SERINC3: variants seen among roughly 807,000 people sequenced by gnomAD.
The protein encoded by SERINC3 is tumor differentially expressed protein 1.
SERINC3 carries 22 observed loss-of-function variants against 52.1 expected under a neutral mutation model. The ratio of observed to expected loss-of-function variants is 0.42; its 90% CI spans 0.30 to 0.60. The LOEUF (loss-of-function observed/expected upper bound fraction) is 0.60, where lower values mean the gene tolerates loss of function less well. Among genes scored for constraint, SERINC3 ranks in the 20% least tolerant of loss-of-function variants. The probability of loss-of-function intolerance (pLI) is 0.16; values close to 1 mark genes in which losing one functional copy is unlikely to be tolerated. For synonymous variants in SERINC3, 226 were observed against 212.7 expected (o/e 1.06, Z -0.54); for missense variants, 564 against 584.6 (o/e 0.96, Z 0.36).
At chr20:44,521,852 G>A (rs1214333421) in intron 1 of SERINC3, 61 bp downstream of exon 1, 1 of 1,518,016 alleles carries the variant, frequency 6.6e-7, no homozygotes, top group Non-Finnish European at 9.0e-7. Flanking sequence ...GTGCAGCTCT[G>A]GTCTCGAGGC....
chr20:44,509,365 A>G (rs986262651), intron 5 of SERINC3, among the ~76,000 whole-genome samples: 8 of 152,200 alleles, frequency 5.3e-5, no homozygotes, highest in African/African-American at 1.7e-4. Flanking sequence ...GTCACTAAAT[A>G]TAACTGTTTT....
intron 9 of SERINC3, 104 bp from the exon 10 acceptor site, chr20:44,500,538 T>A: frequency 3.1e-6 from 4 of 1,300,180 alleles, no homozygotes; most frequent in Non-Finnish European, 4.3e-6. Context: ...CAGTGAAACT[T>A]GGCTGGCACT....
chr20:44,514,125 A>G (rs2064365818), intron 1 of SERINC3, 85 bp from the exon 2 acceptor site: 3 of 1,406,338 alleles, frequency 2.1e-6, no homozygotes, highest in Non-Finnish European at 2.9e-6. Flanking sequence ...AAAGCGAGGC[A>G]AATCAGGCTT....
chr20:44,520,713 A>C (rs1347997929), intron 1 of SERINC3, among the ~76,000 whole-genome samples: 1 of 152,242 alleles, frequency 6.6e-6, no homozygotes, highest in Non-Finnish European at 1.5e-5. Context: ...ATAAGGCAAT[A>C]TACCCATGTA....
intron 8 of SERINC3, among the ~76,000 whole-genome samples, chr20:44,503,392 A>C (rs1433322672): frequency 6.6e-6 from 1 of 152,232 alleles, no homozygotes; most frequent in Non-Finnish European, 1.5e-5. Context: ...TCACACCTGT[A>C]ATCCCAGCAC....
rs1464948901 is a variant in SERINC3 at position 44,499,751 on chromosome 20, A to G, written c.*545T>C. The G allele has an allele frequency of 1.3e-5, 2 of 152,406 alleles. No individual in the cohort carries two copies. The highest frequency in any genetic ancestry group is 4.8e-5 in the African/African-American group (2 of 41,472). 9.4% of individuals were successfully genotyped at this position (152,406 alleles called of 1,614,324 possible). On this transcript the variant is annotated 3_prime_UTR_variant, in exon 10 of 10. Transcript: ENST00000342374. ...AAGATGTAGAAGCAGTAGCCATATC[A>G]GCAACCATTCTTCTAGGGAAGGGAC...
In SERINC3 at chr20:44,511,388, C is replaced by T. The variant is rs1038511603; in HGVS notation, c.396-20G>A. On this transcript the variant is annotated intron_variant, in intron 3 of 9. Coordinates refer to ENST00000342374, the MANE Select transcript of SERINC3 (RefSeq NM_006811.4). Reference sequence around the variant, plus strand: ...CAAAACCTATTAAAATATAAAAATGCATTTATGAAATGCTAAGTTTCACCC... The same window carrying T: ...CAAAACCTATTAAAATATAAAAATGTATTTATGAAATGCTAAGTTTCACCC... 2 of 1,535,298 alleles carry T rather than the reference C, an allele frequency of 1.3e-6. No homozygotes were observed. The highest frequency in any genetic ancestry group is 1.8e-6 in the Non-Finnish European group (2 of 1,108,994).
chr20:44,507,126 T>A, intron 5 of SERINC3, 130 bp from the exon 6 acceptor site: 1 of 611,664 alleles, frequency 1.6e-6, no homozygotes, highest in Non-Finnish European at 2.5e-6. Flanking sequence ...ACAGTAAAAT[T>A]ACAGAGGTCT....
chr20:44,508,042 T>C (rs921870461), intron 5 of SERINC3, among the ~76,000 whole-genome samples: 2 of 152,244 alleles, frequency 1.3e-5, no homozygotes, highest in Non-Finnish European at 2.9e-5. Context: ...TTTGCATGTC[T>C]AAAATTAAAT....
intron 1 of SERINC3, among the ~76,000 whole-genome samples, 172 bp downstream of exon 1, chr20:44,521,741 A>G (rs1424867237): frequency 1.3e-5 from 2 of 152,230 alleles, no homozygotes; most frequent in East Asian, 3.8e-4. Flanking sequence ...CGAGCCGCCT[A>G]AGCTGGACCT....
intron 1 of SERINC3, among the ~76,000 whole-genome samples, chr20:44,520,939 G>T (rs1303109409): frequency 6.6e-6 from 1 of 152,118 alleles, no homozygotes; most frequent in Non-Finnish European, 1.5e-5. Flanking sequence ...ACAGAAAGTG[G>T]GCACAGTCTT....
intron 1 of SERINC3, among the ~76,000 whole-genome samples, chr20:44,516,227 G>C (rs909206702): frequency 6.6e-6 from 1 of 151,832 alleles, no homozygotes. Flanking sequence ...GCTTGAACCC[G>C]GGTGGCCAAG....
At chr20:44,511,684 G>GT (rs538561046) in intron 3 of SERINC3, among the ~76,000 whole-genome samples, 192 of 152,332 alleles carry the variant, frequency 1.3e-3, no homozygotes, top group African/African-American at 4.5e-3. Flanking sequence ...AAATAACAGT[G>GT]TTAGGTACAC....
chr20:44,500,159 T>C lies in SERINC3; in HGVS notation c.*137A>G. On this transcript the variant is annotated 3_prime_UTR_variant, in exon 10 of 10. Coordinates refer to ENST00000342374, the MANE Select transcript of SERINC3 (RefSeq NM_006811.4). The stretch of plus-strand genomic sequence containing the variant: ...CATCAAGCATTATTCAATCTCACCT[T>C]CTGATATAAACCTGCATACAGTCAA... 1 of 873,458 alleles carries C rather than the reference T, an allele frequency of 1.1e-6. No homozygotes were observed. The highest frequency in any genetic ancestry group is 1.7e-6 in the Non-Finnish European group (1 of 579,382). 54.1% of individuals were successfully genotyped at this position (873,458 alleles called of 1,614,324 possible).
At position 44,500,385 on chromosome 20, in the gene SERINC3, C is replaced by G. The variant is rs768185547; in HGVS notation, c.1333G>C (p.Val445Leu). 6.3e-7 allele frequency: 1 copy of G among 1,595,012 alleles called. No individual in the cohort carries two copies. Among genetic ancestry groups the G allele is most frequent in the African/African-American group, 1.3e-5 (1 of 74,698 alleles). Reference sequence around the variant, plus strand: ...CAGACCCAGCTGGAGCTGATCTTGACCCACACAGCTGGCCACTTGCTGGTC... The same window carrying G: ...CAGACCCAGCTGGAGCTGATCTTGAGCCACACAGCTGGCCACTTGCTGGTC... Reference protein sequence around the residue: ...SMTSKWPAVWVKISSSWVCLL... With the variant: ...SMTSKWPAVWLKISSSWVCLL... Residue 445 changes from valine to leucine, a missense_variant, in exon 10 of 10, where the codon GTC becomes CTC. By Grantham distance (32) the Val-to-Leu change is conservative (BLOSUM62 1). Coordinates refer to ENST00000342374, the MANE Select transcript of SERINC3 (RefSeq NM_006811.4).
intron 5 of SERINC3, among the ~76,000 whole-genome samples, chr20:44,507,646 G>A (rs2064323001): frequency 6.6e-6 from 1 of 152,214 alleles, no homozygotes; most frequent in African/African-American, 2.4e-5. Flanking sequence ...CAAGGTGGCT[G>A]GATTGCTTGA....
Position 44,511,296 on chromosome 20 carries a change from GAAA to G in SERINC3, c.465_467del (p.Phe156del). 6.2e-7 allele frequency: 1 copy of G among 1,608,488 alleles called. No homozygotes were observed. The highest frequency in any genetic ancestry group is 8.5e-7 in the Non-Finnish European group (1 of 1,174,866). On this transcript the variant is annotated inframe_deletion, in exon 4 of 10. Coordinates refer to ENST00000342374, the MANE Select transcript of SERINC3 (RefSeq NM_006811.4). ...CTCAATGGTGAACCCTACCTGAGCTGAAATAGCCCCCAGGGATGTAGAAAGAGC... is the reference window on the plus strand; with the variant it reads ...CTCAATGGTGAACCCTACCTGAGCTGTAGCCCCCAGGGATGTAGAAAGAGC...
chr20:44,515,835 T>C (rs1175081686), intron 1 of SERINC3, among the ~76,000 whole-genome samples: 1 of 151,838 alleles, frequency 6.6e-6, no homozygotes, highest in Non-Finnish European at 1.5e-5. Context: ...TTGTATTTTT[T>C]AGTAGAGACA....
chr20:44,513,936 CAGG>C lies in SERINC3; in HGVS notation c.141_143del (p.Leu48del), dbSNP rs1429279292. The C allele has an allele frequency of 3.7e-6, 6 of 1,614,064 alleles. No homozygotes were observed. The highest frequency in any genetic ancestry group is 2.7e-5 in the African/African-American group (2 of 75,006). ...GCATGATATAGGATACGACAGTGCT[CAGG>C]AGGAGAATGAAAGCATAAATGAGGC... On this transcript the variant is annotated inframe_deletion, in exon 2 of 10. Transcript: ENST00000342374.
Sources: gnomAD v4.1 joint callset for allele counts (sites outside exome capture counted in the v4.1 genomes callset) on GRCh38, gnomAD v4.1.1 for gene constraint, MANE v1.5 for transcripts, NCBI Gene and HGNC (gene_info 2026-07-23, HGNC 2026-07-21) for gene names.